Variants in LRRC8B observed in about 807,000 individuals in gnomAD.
LRRC8B encodes volume-regulated anion channel subunit LRRC8B.
LRRC8B carries 23 observed loss-of-function variants against 58.8 expected under a neutral mutation model. The observed-to-expected ratio is 0.39, with a 90% CI of 0.28 to 0.55. The LOEUF (loss-of-function observed/expected upper bound fraction) is 0.55. Ranked by LOEUF, LRRC8B falls within the 20% of genes least tolerant of loss-of-function variation. The pLI is 0.62. For missense variants in LRRC8B, 694 were observed against 936.0 expected, an observed-to-expected ratio of 0.74 and a Z score of 3.37; for synonymous variants, 359 against 374.1, an observed-to-expected ratio of 0.96 and a Z score of 0.47.
chr1:89,572,380 A>G (rs1293500588), intron 3 of LRRC8B: 1 of 152,146 alleles, frequency 6.6e-6, no homozygotes, highest in Admixed American at 6.5e-5. Context: ...CTGAATTTGA[A>G]TGTTGGCCTC....
chr1:89,587,043 GTTAGAAC>G (rs993071502), intron 5 of LRRC8B, among the ~76,000 whole-genome samples: 2 of 152,186 alleles, frequency 1.3e-5, no homozygotes, highest in Admixed American at 6.5e-5. Flanking sequence ...TAGCTACAGT[GTTAGAAC>G]TTAGGGCAAG....
chr1:89,567,269 TAA>T (rs1339259677), intron 1 of LRRC8B, among the ~76,000 whole-genome samples: 2 of 152,358 alleles, frequency 1.3e-5, no homozygotes, highest in African/African-American at 4.8e-5. Context: ...AGAAAGGTGA[TAA>T]GTTTAGTTAC....
At position 89,596,973 on chromosome 1, in the gene LRRC8B, G is replaced by C. The variant is rs1655335110; in HGVS notation, c.*3930G>C. ...TGGAAACAGACAGAATGGTGGGGGA[G>C]GGAAGGAGTTATTTTGCATCCTAGT... On this transcript the variant is annotated 3_prime_UTR_variant, in exon 6 of 6. Coordinates refer to ENST00000330947, the MANE Select transcript of LRRC8B (RefSeq NM_001369817.2). The C allele has an allele frequency of 6.6e-6, 1 of 152,152 alleles. No individual in the cohort carries two copies. Among genetic ancestry groups the C allele is most frequent in the South Asian group, 2.1e-4 (1 of 4,828 alleles). 9.4% of individuals were successfully genotyped at this position (152,152 alleles called of 1,614,324 possible).
At chr1:89,578,305 C>T (rs975394389) in intron 3 of LRRC8B, among the ~76,000 whole-genome samples, 2 of 152,146 alleles carry the variant, frequency 1.3e-5, no homozygotes, top group Non-Finnish European at 2.9e-5. Flanking sequence ...GTTACAAATG[C>T]AGCCGCTATG....
chr1:89,575,861 T>TA, intron 3 of LRRC8B, among the ~76,000 whole-genome samples: 2 of 152,212 alleles, frequency 1.3e-5, no homozygotes, highest in Non-Finnish European at 2.9e-5. Flanking sequence ...TAATTTCCCT[T>TA]GACTATTTTA....
At position 89,582,846 on chromosome 1, in the gene LRRC8B, T is replaced by A; in HGVS notation, c.196T>A (p.Cys66Ser). Residue 66 changes from cysteine to serine, a missense_variant, in exon 5 of 6, where the codon TGT (cysteine) becomes AGT (serine). This residue lies in a region of LRRC8B where 316 missense variants were observed against 403.8 expected (regional missense o/e 0.78). Coordinates refer to ENST00000330947, the MANE Select transcript of LRRC8B (RefSeq NM_001369817.2). The part of the protein sequence containing the change: ...LPCKVEFDNH[C>S]AVPWDILKAS... ...ATGCAAAGTGGAATTTGACAATCACTGTGCCGTGCCTTGGGACATCCTGAA... is the reference window on the plus strand; with the variant it reads ...ATGCAAAGTGGAATTTGACAATCACAGTGCCGTGCCTTGGGACATCCTGAA... The A allele has an allele frequency of 4.3e-6, 7 of 1,614,240 alleles. No individual in the cohort carries two copies. The highest frequency in any genetic ancestry group is 5.9e-6 in the Non-Finnish European group (7 of 1,180,044).
chr1:89,538,784 G>A (rs1650731972), intron 1 of LRRC8B, among the ~76,000 whole-genome samples: 1 of 152,090 alleles, frequency 6.6e-6, no homozygotes, highest in African/African-American at 2.4e-5. Flanking sequence ...GCAGTGACAT[G>A]ATCTCAGCTC....
chr1:89,532,886 C>A (rs568530968), intron 1 of LRRC8B, among the ~76,000 whole-genome samples: 1 of 152,300 alleles, frequency 6.6e-6, no homozygotes, highest in East Asian at 1.9e-4. Flanking sequence ...TTTTTGCCAA[C>A]AGCAATACTA....
intron 1 of LRRC8B, among the ~76,000 whole-genome samples, chr1:89,537,693 G>A (rs1455478129): frequency 2.6e-5 from 4 of 151,952 alleles, no homozygotes; most frequent in African/African-American, 9.7e-5. Context: ...GCCTGGTCTC[G>A]AACTCCTGAC....
At chr1:89,592,254 CAT>C (rs1655022315) in intron 5 of LRRC8B, among the ~76,000 whole-genome samples, 2 of 152,152 alleles carry the variant, frequency 1.3e-5, no homozygotes, top group Admixed American at 1.3e-4. Flanking sequence ...TATATATAAT[CAT>C]ATTTTTTTGC....
At chr1:89,586,362 T>A (rs1215271808) in intron 5 of LRRC8B, among the ~76,000 whole-genome samples, 1 of 152,348 alleles carries the variant, frequency 6.6e-6, no homozygotes, top group Middle Eastern at 3.4e-3. Context: ...TTGATCACAT[T>A]TTTTCCATTG....
intron 1 of LRRC8B, among the ~76,000 whole-genome samples, chr1:89,525,566 T>C (rs1242741320): frequency 6.6e-6 from 1 of 152,224 alleles, no homozygotes; most frequent in Non-Finnish European, 1.5e-5. Context: ...GTGGTGGTGT[T>C]GGGCGTTGAT....
intron 1 of LRRC8B, among the ~76,000 whole-genome samples, chr1:89,561,090 G>T (rs1378906612): frequency 6.6e-6 from 1 of 151,248 alleles, no homozygotes; most frequent in Non-Finnish European, 1.5e-5. Context: ...TAACTGGTGT[G>T]AGATGGTATC....
At chr1:89,531,530 G>A (rs927510144) in intron 1 of LRRC8B, among the ~76,000 whole-genome samples, 3 of 152,214 alleles carry the variant, frequency 2.0e-5, no homozygotes, top group African/African-American at 7.2e-5. Context: ...GGCTAGCAAA[G>A]GTGGTCTTGT....
intron 1 of LRRC8B, among the ~76,000 whole-genome samples, chr1:89,536,048 C>A (rs140027114): frequency 2.6e-5 from 4 of 152,280 alleles, no homozygotes; most frequent in African/African-American, 9.6e-5. Context: ...GTATAGCTGT[C>A]CGCTGCTCTC....
chr1:89,584,138 T>C lies in LRRC8B; in HGVS notation c.1488T>C (p.Phe496=), dbSNP rs1239795119. The C allele has an allele frequency of 1.9e-6, 3 of 1,613,036 alleles. No homozygotes were observed. Among genetic ancestry groups the C allele is most frequent in the African/African-American group, 1.3e-5 (1 of 74,938 alleles). ...EENLKILRLK[F]TEMGKIPRWV... is the part of the protein sequence containing the mutation. ...ATTTAAAAATCCTCCGCCTGAAATT[T>C]ACTGAAATGGGAAAAATCCCACGCT... The change falls in exon 5 of 6, where the codon TTT becomes TTC. Residue 496 remains phenylalanine, a synonymous_variant. Coordinates refer to ENST00000330947, the MANE Select transcript of LRRC8B (RefSeq NM_001369817.2).
rs1428936311 is a variant in LRRC8B, at chr1:89,593,283, A to G, written c.*240A>G. 1 of 422,498 alleles carries G rather than the reference A, an allele frequency of 2.4e-6. No individual in the cohort carries two copies. Among genetic ancestry groups the G allele is most frequent in the Non-Finnish European group, 4.3e-6 (1 of 232,382 alleles). 26.2% of individuals were successfully genotyped at this position (422,498 alleles called of 1,614,324 possible). A position where few individuals can be genotyped will look rare whatever the true frequency, so the allele number is the denominator to read the frequency against. ...TCCCAGCTACTTGGGAGGCTGACGCAGGGGAATTGCTTGAACCAGGGAGGT... is the reference window on the plus strand; with the variant it reads ...TCCCAGCTACTTGGGAGGCTGACGCGGGGGAATTGCTTGAACCAGGGAGGT... On this transcript the variant is annotated 3_prime_UTR_variant, in exon 6 of 6. Coordinates refer to ENST00000330947, the MANE Select transcript of LRRC8B (RefSeq NM_001369817.2).
rs752192568 is a variant in LRRC8B, at chr1:89,592,840, T to G, written c.2209T>G (p.Leu737Val). Residue 737 changes from leucine (L) to valine (V), a missense_variant, in exon 6 of 6, where the codon TTG (leucine) becomes GTG (valine). Leu to Val is a conservative substitution (Grantham distance 32). This residue lies in a region of LRRC8B where 139 missense variants were observed against 158.2 expected (regional missense o/e 0.88). Coordinates refer to ENST00000330947, the MANE Select transcript of LRRC8B (RefSeq NM_001369817.2). ...LQCLLLGKNS[L>V]MNLSPHVGEL... ...GTGTTTACTTTTGGGGAAAAATAGC[T>G]TGATGAATTTGTCCCCTCATGTGGG... 6 of 1,614,068 alleles carry G rather than the reference T, an allele frequency of 3.7e-6. No individual in the cohort carries two copies. The Admixed American group carries it at 1.0e-4, about 27-fold the overall frequency.
chr1:89,596,956 G>A lies in LRRC8B; in HGVS notation c.*3913G>A, dbSNP rs1655334125. The A allele has an allele frequency of 6.6e-6, 1 of 152,114 alleles. No homozygotes were observed. Among genetic ancestry groups the A allele is most frequent in the Non-Finnish European group, 1.5e-5 (1 of 68,000 alleles). The allele number at this position is 152,114 out of a possible 1,614,324, so 9.4% of individuals were successfully genotyped here. A position where few individuals can be genotyped will look rare whatever the true frequency, so the allele number is the denominator to read the frequency against. On this transcript the variant is annotated 3_prime_UTR_variant, in exon 6 of 6. Coordinates refer to ENST00000330947, the MANE Select transcript of LRRC8B (RefSeq NM_001369817.2). The stretch of plus-strand genomic sequence containing the variant: ...ATCTGTTTATTTCTATCTGGAAACA[G>A]ACAGAATGGTGGGGGAGGGAAGGAG...
Sources: allele counts gnomAD v4.1 joint callset (sites outside exome capture counted in the v4.1 genomes callset), GRCh38; gene constraint gnomAD v4.1.1; regional missense constraint gnomAD v4.1.1; transcripts MANE v1.5; gene names NCBI Gene and HGNC (gene_info 2026-07-23, HGNC 2026-07-21).